CHRM3: variants seen among roughly 807,000 people sequenced by gnomAD.
CHRM3 encodes cholinergic receptor muscarinic 3.
CHRM3 carries 11 observed loss-of-function variants against 41.8 expected under a neutral mutation model. That is an observed-to-expected ratio of 0.26 (90% CI 0.17 to 0.44). The LOEUF (loss-of-function observed/expected upper bound fraction) is 0.44. Among genes scored for constraint, CHRM3 ranks in the 20% least tolerant of loss-of-function variants. The pLI is 1.00. For synonymous variants in CHRM3, 297 were observed against 301.4 expected (o/e 0.99, Z 0.15); for missense variants, 571 against 745.4 (o/e 0.77, Z 2.72).
At chr1:239,407,064 C>T (rs1186811829) in intron 1 of CHRM3, among the ~76,000 whole-genome samples, 1 of 152,112 alleles carries the variant, frequency 6.6e-6, no homozygotes, top group East Asian at 1.9e-4. Flanking sequence ...GAAAAACTTC[C>T]TGCTGTTTTC....
chr1:239,629,890 T>C (rs527906741), intron 3 of CHRM3, among the ~76,000 whole-genome samples: 1 of 152,198 alleles, frequency 6.6e-6, no homozygotes, highest in Non-Finnish European at 1.5e-5. Context: ...GAATTGCCAA[T>C]CTTAGTTTGA....
chr1:239,730,486 G>C (rs935803898), intron 5 of CHRM3: 3 of 152,022 alleles, frequency 2.0e-5, no homozygotes, highest in Admixed American at 6.6e-5. Flanking sequence ...GAGAAGGAAG[G>C]CTTCTTAAGG....
At chr1:239,758,780 G>A (rs1390096494) in intron 5 of CHRM3, among the ~76,000 whole-genome samples, 2 of 152,182 alleles carry the variant, frequency 1.3e-5, no homozygotes, top group Non-Finnish European at 1.5e-5. Flanking sequence ...AGAGTCTACT[G>A]TGTTTTTTGG....
chr1:239,846,157 T>C (rs1674244287), intron 6 of CHRM3, among the ~76,000 whole-genome samples: 2 of 152,140 alleles, frequency 1.3e-5, no homozygotes, highest in South Asian at 4.1e-4. Context: ...GTGGATACCA[T>C]AAATTTGTGC....
At chr1:239,614,565 G>T (rs1335775178) in intron 3 of CHRM3, among the ~76,000 whole-genome samples, 1 of 152,142 alleles carries the variant, frequency 6.6e-6, no homozygotes, top group African/African-American at 2.4e-5. Context: ...GTGGATAATG[G>T]TTGTCAGGTC....
intron 5 of CHRM3, among the ~76,000 whole-genome samples, chr1:239,749,975 G>T (rs958686196): frequency 1.3e-5 from 2 of 152,228 alleles, no homozygotes; most frequent in East Asian, 3.9e-4. Context: ...AGTTTAAAAA[G>T]CCTCATGGCT....
At chr1:239,429,581 G>A (rs1162379604) in intron 1 of CHRM3, among the ~76,000 whole-genome samples, 1 of 152,112 alleles carries the variant, frequency 6.6e-6, no homozygotes, top group Non-Finnish European at 1.5e-5. Flanking sequence ...GTGTTTCATA[G>A]CATTTTCTTC....
intron 4 of CHRM3, among the ~76,000 whole-genome samples, chr1:239,660,491 T>C (rs1673093237): frequency 6.6e-6 from 1 of 152,132 alleles, no homozygotes; most frequent in South Asian, 2.1e-4. Flanking sequence ...AAAATTGCAG[T>C]CCTTAGTCTA....
intron 1 of CHRM3, among the ~76,000 whole-genome samples, chr1:239,412,773 A>G (rs1373297918): frequency 6.6e-6 from 1 of 152,082 alleles, no homozygotes; most frequent in Non-Finnish European, 1.5e-5. Flanking sequence ...TTATATAATC[A>G]TAATTATTAG....
chr1:239,608,423 T>C (rs992901729), intron 3 of CHRM3, among the ~76,000 whole-genome samples: 1 of 152,216 alleles, frequency 6.6e-6, no homozygotes, highest in African/African-American at 2.4e-5. Flanking sequence ...TAAATTAGAA[T>C]TTCTAAAAAG....
chr1:239,603,409 G>A (rs1410765049), intron 3 of CHRM3, among the ~76,000 whole-genome samples: 5 of 152,082 alleles, frequency 3.3e-5, no homozygotes, highest in Non-Finnish European at 5.9e-5. Flanking sequence ...TCAGTGATAG[G>A]CAAGGTCACG....
chr1:239,397,599 G>A (rs1369387425), intron 1 of CHRM3, among the ~76,000 whole-genome samples: 2 of 151,622 alleles, frequency 1.3e-5, no homozygotes, highest in Non-Finnish European at 2.9e-5. Context: ...TTGAACCCGG[G>A]AGGCAGAGGT....
At chr1:239,541,547 C>T (rs1054386473) in intron 2 of CHRM3, among the ~76,000 whole-genome samples, 2 of 151,730 alleles carry the variant, frequency 1.3e-5, no homozygotes, top group Non-Finnish European at 2.9e-5. Context: ...GGTGTCACTC[C>T]GTCACCCAGG....
intron 1 of CHRM3, among the ~76,000 whole-genome samples, chr1:239,423,303 TAAG>T (rs1244503700): frequency 3.9e-5 from 6 of 152,218 alleles, no homozygotes; most frequent in African/African-American, 7.2e-5. Context: ...CATATGCAAT[TAAG>T]AAGTGAAACT....
chr1:239,779,225 AC>A (rs1295443882), intron 5 of CHRM3, among the ~76,000 whole-genome samples: 6 of 151,936 alleles, frequency 3.9e-5, no homozygotes, highest in African/African-American at 1.2e-4. Flanking sequence ...ATTCCCATAC[AC>A]CCCCTGCCCC....
chr1:239,643,524 G>T (rs924315557), intron 4 of CHRM3, among the ~76,000 whole-genome samples: 3 of 152,174 alleles, frequency 2.0e-5, no homozygotes, highest in African/African-American at 4.8e-5. Context: ...ATCTCAGACT[G>T]CTGTGCTAGT....
At chr1:239,480,004 A>G (rs1041908191) in intron 1 of CHRM3, among the ~76,000 whole-genome samples, 4 of 152,216 alleles carry the variant, frequency 2.6e-5, no homozygotes, top group Non-Finnish European at 4.4e-5. Flanking sequence ...AGACAATAAG[A>G]TATTTTCAGC....
chr1:239,699,085 GT>G (rs200883686), intron 5 of CHRM3, among the ~76,000 whole-genome samples: 338 of 151,638 alleles, frequency 2.2e-3, no homozygotes, highest in African/African-American at 7.6e-3. Context: ...TCTTTGAAGA[GT>G]TTTTTTTTCT....
chr1:239,433,494 C>CAT (rs1662989675), intron 1 of CHRM3, among the ~76,000 whole-genome samples: 1 of 152,100 alleles, frequency 6.6e-6, no homozygotes, highest in Non-Finnish European at 1.5e-5. Flanking sequence ...TTTTGGGGAA[C>CAT]AGGTGGTGTT....
Sources: gnomAD v4.1 joint callset for allele counts (sites outside exome capture counted in the v4.1 genomes callset) on GRCh38, gnomAD v4.1.1 for gene constraint, MANE v1.5 for transcripts, NCBI Gene and HGNC (gene_info 2026-07-23, HGNC 2026-07-21) for gene names.